PCNX2: variants seen among roughly 807,000 people sequenced by gnomAD.
The protein encoded by PCNX2 is pecanex-like protein 2.
In PCNX2, 168 loss-of-function variants were observed where a neutral mutation model predicts 223.8. The ratio of observed to expected loss-of-function variants is 0.75; its 90% CI spans 0.66 to 0.85. The LOEUF is 0.85. Ranked by LOEUF, PCNX2 falls within the 40% of genes least tolerant of loss-of-function variation. The pLI is 0.00. For synonymous variants in PCNX2, 1,006 were observed against 1,052.6 expected (o/e 0.96, Z 0.86); for missense variants, 2,507 against 2,675.5 (o/e 0.94, Z 1.39).
intron 28 of PCNX2, among the ~76,000 whole-genome samples, chr1:233,004,655 G>C (rs2102802613): frequency 6.6e-6 from 1 of 152,300 alleles, no homozygotes; most frequent in Non-Finnish European, 1.5e-5. Context: ...TGCTCCTAAG[G>C]ATTTAATGAG....
intron 15 of PCNX2, among the ~76,000 whole-genome samples, chr1:233,188,859 T>C (rs2102874723): frequency 6.6e-6 from 1 of 152,280 alleles, no homozygotes; most frequent in African/African-American, 2.4e-5. Flanking sequence ...AAGTTAAAGT[T>C]ACCTGATTAG....
intron 15 of PCNX2, among the ~76,000 whole-genome samples, chr1:233,189,944 T>A (rs2102876484): frequency 6.6e-6 from 1 of 152,340 alleles, no homozygotes; most frequent in South Asian, 2.1e-4. Flanking sequence ...AGTCCATTTA[T>A]ATGTTACTTG....
At chr1:233,113,668 G>A (rs1258336211) in intron 21 of PCNX2, among the ~76,000 whole-genome samples, 3 of 152,220 alleles carry the variant, frequency 2.0e-5, no homozygotes, top group Admixed American at 1.3e-4. Flanking sequence ...GAACACAGAC[G>A]CACTAGAGGT....
intron 21 of PCNX2, among the ~76,000 whole-genome samples, chr1:233,108,358 G>C: frequency 6.6e-6 from 1 of 152,192 alleles, no homozygotes; most frequent in East Asian, 1.9e-4. Context: ...GAGACAATAA[G>C]CACTCACTCA....
rs140073120 is a variant in PCNX2 at position 233,107,759 on chromosome 1, C to T, written c.3838-11896G>A. On this transcript the variant is annotated intron_variant, in intron 21 of 33. Transcript: ENST00000258229. ...GTAGAGCAGACAGCTCTCAGAGGCA[C>T]GTAAACCAGAACAACTGCATGTTGA... 2.8e-3 allele frequency among the ~76,000 whole-genome samples: 428 copies of T among 151,982 alleles called. 2 individuals carry two copies. The highest frequency in any genetic ancestry group is 0.01 in the African/African-American group (415 of 41,464).
rs745954245 is a variant in PCNX2 at position 233,208,680 on chromosome 1, G to C, written c.2701C>G (p.Gln901Glu). The C allele has an allele frequency of 6.2e-7, 1 of 1,611,120 alleles. No individual in the cohort carries two copies. The highest frequency in any genetic ancestry group is 8.5e-7 in the Non-Finnish European group (1 of 1,178,330). Reference protein sequence around the residue: ...DPASPIHGHNQIITYSRPIYF... With the variant: ...DPASPIHGHNEIITYSRPIYF... ...ATTGGTCTGCTATATGTTATGATTTGGTTGTGTCCCTAGAAAACAAACACA... is the reference window on the plus strand; with the variant it reads ...ATTGGTCTGCTATATGTTATGATTTCGTTGTGTCCCTAGAAAACAAACACA... Residue 901 changes from glutamine to glutamate, a missense_variant, in exon 13 of 34, where the codon CAA (glutamine) becomes GAA (glutamate). Coordinates refer to ENST00000258229, the MANE Select transcript of PCNX2 (RefSeq NM_014801.4).
chr1:233,053,097 G>C (rs559850101), intron 25 of PCNX2, among the ~76,000 whole-genome samples: 2 of 151,910 alleles, frequency 1.3e-5, no homozygotes, highest in African/African-American at 4.8e-5. Context: ...GTGTAGAGAG[G>C]GTCAACCATT....
In PCNX2 at chr1:233,293,650, G is replaced by T. The variant is rs530536741; in HGVS notation, c.153+1676C>A. Among the ~76,000 whole-genome samples, 13 of 152,336 alleles carry T rather than the reference G, an allele frequency of 8.5e-5. No homozygotes were observed. The South Asian group carries it at 2.7e-3, about 32-fold the overall frequency. ...AAAACATAAGGATGGAGAGATTTTA[G>T]AAGATGGGGAAGGATTAAAAAGGGC... On this transcript the variant is annotated intron_variant, in intron 1 of 33. Coordinates refer to ENST00000258229, the MANE Select transcript of PCNX2 (RefSeq NM_014801.4).
intron 23 of PCNX2, among the ~76,000 whole-genome samples, chr1:233,065,831 T>G (rs539059184): frequency 2.0e-5 from 3 of 152,170 alleles, no homozygotes; most frequent in Non-Finnish European, 4.4e-5. Flanking sequence ...GTATCAGTGA[T>G]AGCAGCAGAA....
chr1:233,202,246 T>C (rs1334992595), intron 13 of PCNX2: 2 of 466,352 alleles, frequency 4.3e-6, no homozygotes, highest in Non-Finnish European at 8.9e-6. Flanking sequence ...TGTTCATAAT[T>C]TTCCCTGTGA....
chr1:233,264,023 G>A (rs1312477605), intron 1 of PCNX2, among the ~76,000 whole-genome samples: 1 of 152,132 alleles, frequency 6.6e-6, no homozygotes, highest in Non-Finnish European at 1.5e-5. Context: ...CTTCCAAAAG[G>A]AAGAGGGATA....
intron 17 of PCNX2, among the ~76,000 whole-genome samples, chr1:233,164,604 A>T (rs1678680533): frequency 1.4e-5 from 2 of 148,046 alleles, no homozygotes; most frequent in African/African-American, 5.0e-5. Flanking sequence ...CCATTTTTGC[A>T]TATGATATAT....
chr1:233,156,919 A>C (rs1678170103), intron 19 of PCNX2, among the ~76,000 whole-genome samples: 1 of 144,728 alleles, frequency 6.9e-6, no homozygotes, highest in East Asian at 1.9e-4. Context: ...TTCAGTCTCA[A>C]AACAAACAAA....
intron 17 of PCNX2, chr1:233,167,627 A>G: frequency 1.6e-6 from 1 of 640,012 alleles, no homozygotes; most frequent in Non-Finnish European, 1.9e-6. Context: ...TTACTTCACT[A>G]TAGTAACCAT....
chr1:233,008,124 C>G (rs1195427588), intron 28 of PCNX2, among the ~76,000 whole-genome samples: 11 of 152,132 alleles, frequency 7.2e-5, no homozygotes, highest in Admixed American at 7.2e-4. Flanking sequence ...GTATGTATAC[C>G]CTGCACAGAC....
chr1:233,291,260 G>T (rs1661746595), intron 1 of PCNX2: 1 of 253,118 alleles, frequency 4.0e-6, no homozygotes, highest in Non-Finnish European at 6.2e-6. Flanking sequence ...TTTTACAGAT[G>T]ATTAAACTGA....
chr1:233,097,454 T>C (rs1674241488), intron 21 of PCNX2, among the ~76,000 whole-genome samples: 1 of 152,178 alleles, frequency 6.6e-6, no homozygotes, highest in Admixed American at 6.5e-5. Context: ...AGTTTGTTTT[T>C]TGCTCATAAC....
chr1:233,001,680 G>C lies in PCNX2; in HGVS notation c.4954C>G (p.Leu1652Val). 1 of 1,570,204 alleles carries C rather than the reference G, an allele frequency of 6.4e-7. No individual in the cohort carries two copies. The highest frequency in any genetic ancestry group is 8.6e-7 in the Non-Finnish European group (1 of 1,157,084). The change falls in exon 29 of 34, where the codon CTG (leucine) becomes GTG (valine). Residue 1652 changes from leucine to valine, a missense_variant and splice_region_variant. Leu to Val is a conservative substitution (Grantham distance 32). Coordinates refer to ENST00000258229, the MANE Select transcript of PCNX2 (RefSeq NM_014801.4). The surrounding 1 kb of genome is among the most constrained non-coding windows in gnomAD (Gnocchi z 4.2). ...GTAAHNMAIS[L>V]DSFLYGLHVL... Reference sequence around the variant, plus strand: ...TGGAGGCCATACAGGAAAGAATCCAGGCTGCAAAACAAAGTCCTATTACTA... The same window carrying C: ...TGGAGGCCATACAGGAAAGAATCCACGCTGCAAAACAAAGTCCTATTACTA...
intron 9 of PCNX2, among the ~76,000 whole-genome samples, 181 bp downstream of exon 9, chr1:233,236,660 GCTAT>G (rs1234986855): frequency 1.3e-5 from 2 of 152,174 alleles, no homozygotes; most frequent in African/African-American, 2.4e-5. Flanking sequence ...AAGGTTAGCT[GCTAT>G]CTATCTGATT....
Sources: allele counts gnomAD v4.1 joint callset (sites outside exome capture counted in the v4.1 genomes callset), GRCh38; gene constraint gnomAD v4.1.1; non-coding constraint Gnocchi (gnomAD v3.1); transcripts MANE v1.5; gene names NCBI Gene and HGNC (gene_info 2026-07-23, HGNC 2026-07-21).